Variants in RPS6KC1 observed in about 807,000 individuals in gnomAD.
RPS6KC1 encodes inactive ribosomal protein S6 kinase delta-1.
In RPS6KC1, 54 loss-of-function variants were observed where a neutral mutation model predicts 103.8. That is an observed-to-expected ratio of 0.52 (90% CI 0.42 to 0.65). The LOEUF (loss-of-function observed/expected upper bound fraction) is 0.65. Ranked by LOEUF, RPS6KC1 falls within the 30% of genes least tolerant of loss-of-function variation. The pLI is 0.00. For synonymous variants in RPS6KC1, 439 were observed against 438.7 expected, an observed-to-expected ratio of 1.00 and a Z score of -0.01; for missense variants, 1,151 against 1,253.8, an observed-to-expected ratio of 0.92 and a Z score of 1.24.
chr1:213,463,720 G>A, the RPS6KC1 span, among the ~76,000 whole-genome samples: 36 of 152,034 alleles, frequency 2.4e-4, no homozygotes, highest in African/African-American at 8.7e-4. Flanking sequence ...GAGTTTTTGG[G>A]GCTCGTTTTC....
At chr1:213,737,113 A>G in the RPS6KC1 span, among the ~76,000 whole-genome samples, 1 of 152,228 alleles carries the variant, frequency 6.6e-6, no homozygotes, top group Non-Finnish European at 1.5e-5. Flanking sequence ...CCACAGGTTG[A>G]TACCTTAACA....
At chr1:213,621,776 G>A in the RPS6KC1 span, among the ~76,000 whole-genome samples, 1 of 152,172 alleles carries the variant, frequency 6.6e-6, no homozygotes, top group African/African-American at 2.4e-5. Context: ...GAGCATTAAA[G>A]TGTGGGCCCT....
At chr1:213,137,806 T>C (rs1301607142) in intron 6 of RPS6KC1, among the ~76,000 whole-genome samples, 1 of 104,586 alleles carries the variant, frequency 9.6e-6, no homozygotes, top group Non-Finnish European at 1.8e-5. Context: ...TATATTTTTT[T>C]TTTTTTTTTT....
the RPS6KC1 span, among the ~76,000 whole-genome samples, chr1:213,796,515 A>G: frequency 6.6e-6 from 1 of 152,184 alleles, no homozygotes; most frequent in African/African-American, 2.4e-5. Flanking sequence ...CACAGCCCCA[A>G]GAGAAAAAGG....
At position 213,135,353 on chromosome 1, in the gene RPS6KC1, T is replaced by A. The variant is rs551343001; in HGVS notation, c.835+5464T>A. Among the ~76,000 whole-genome samples the A allele has an allele frequency of 2.8e-4, 42 of 152,306 alleles. No homozygotes were observed. In the South Asian group the frequency reaches 6.6e-3, roughly 24 times the overall value. The stretch of plus-strand genomic sequence containing the variant: ...GTGTATTTTGTTTATCATTGTAATA[T>A]GGTTGGAAAAGAGGGACTGCTTATT... On this transcript the variant is annotated intron_variant, in intron 6 of 14. Coordinates refer to ENST00000366960, the MANE Select transcript of RPS6KC1 (RefSeq NM_012424.6).
At chr1:213,534,939 T>C in the RPS6KC1 span, among the ~76,000 whole-genome samples, 4 of 152,146 alleles carry the variant, frequency 2.6e-5, no homozygotes, top group African/African-American at 9.7e-5. Context: ...TCCCCAATCA[T>C]GGTTAATCCT....
At chr1:213,562,362 T>G in the RPS6KC1 span, among the ~76,000 whole-genome samples, 1 of 5,958 alleles carries the variant, frequency 1.7e-4, no homozygotes, top group African/African-American at 4.2e-4. Flanking sequence ...AAGTTCTGTT[T>G]TTTTTTTTTT....
At chr1:213,830,338 TCCTTTTGAGAATACC>T in the RPS6KC1 span, among the ~76,000 whole-genome samples, 1 of 152,186 alleles carries the variant, frequency 6.6e-6, no homozygotes, top group Non-Finnish European at 1.5e-5. Flanking sequence ...AAATTAATTT[TCCTTTTGAGAATACC>T]CTACCACCTT....
chr1:213,151,215 G>C (rs2088795062), intron 6 of RPS6KC1, among the ~76,000 whole-genome samples: 1 of 132,638 alleles, frequency 7.5e-6, no homozygotes, highest in African/African-American at 2.9e-5. Context: ...GGCCAGGCGG[G>C]GGGCTGACCC....
chr1:213,676,199 T>C, the RPS6KC1 span, among the ~76,000 whole-genome samples: 1 of 152,202 alleles, frequency 6.6e-6, no homozygotes, highest in African/African-American at 2.4e-5. Context: ...CTCTCTTTAC[T>C]CTCTCAGCTG....
the RPS6KC1 span, among the ~76,000 whole-genome samples, chr1:213,648,270 G>A: frequency 1.3e-5 from 2 of 152,076 alleles, no homozygotes; most frequent in African/African-American, 2.4e-5. Context: ...TACAGTTTGG[G>A]AACTATGGCT....
chr1:213,088,829 G>T (rs187446655), intron 3 of RPS6KC1, among the ~76,000 whole-genome samples: 1 of 152,274 alleles, frequency 6.6e-6, no homozygotes, highest in East Asian at 1.9e-4. Flanking sequence ...ACATGGAACA[G>T]GGGTTTCTCC....
In RPS6KC1 at chr1:213,061,591, GT is replaced by G. The variant is rs35327007; in HGVS notation, c.106-9402del. Reference sequence around the variant, plus strand: ...CCTACTTTTCCTGCAAGACTTGGGTGTTTTTTTTTTTTTGTATGTATGAAGT... The same window carrying G: ...CCTACTTTTCCTGCAAGACTTGGGTGTTTTTTTTTTTTGTATGTATGAAGT... On this transcript the variant is annotated intron_variant, in intron 1 of 14. Transcript: ENST00000366960. Among the ~76,000 whole-genome samples, 743 of 144,356 alleles carry G rather than the reference GT, an allele frequency of 5.1e-3. 4 individuals carry two copies. The highest frequency in any genetic ancestry group is 0.017 in the African/African-American group (645 of 38,926). The allele number at this position is 144,356 out of a possible 152,430, so 94.7% of individuals were successfully genotyped here.
intron 6 of RPS6KC1, among the ~76,000 whole-genome samples, chr1:213,161,925 A>C (rs537580748): frequency 6.6e-6 from 1 of 152,222 alleles, no homozygotes; most frequent in Non-Finnish European, 1.5e-5. Flanking sequence ...TACTTCTCTT[A>C]AGATGTGTGT....
intron 14 of RPS6KC1, among the ~76,000 whole-genome samples, chr1:213,269,945 A>C (rs2095004050): frequency 6.6e-6 from 1 of 151,768 alleles, no homozygotes; most frequent in Non-Finnish European, 1.5e-5. Context: ...AATCCAAAGC[A>C]AGCAGAAGAA....
chr1:213,842,324 T>C, the RPS6KC1 span: 2 of 152,144 alleles, frequency 1.3e-5, no homozygotes, highest in African/African-American at 4.8e-5. Flanking sequence ...GTTGAGTCCA[T>C]TCATGGGGTG....
the RPS6KC1 span, among the ~76,000 whole-genome samples, chr1:213,397,157 G>A: frequency 8.5e-5 from 13 of 152,094 alleles, no homozygotes; most frequent in African/African-American, 1.4e-4. Context: ...AGGTTCCCCC[G>A]TCCCACATCG....
rs368196557 is a variant in RPS6KC1, at chr1:213,262,701, T to C, written c.2995-20T>C. The C allele has an allele frequency of 1.2e-4, 175 of 1,442,180 alleles. 1 individual carries two copies. Among genetic ancestry groups the C allele is most frequent in the Non-Finnish European group, 1.6e-4 (167 of 1,023,076 alleles). The allele number at this position is 1,442,180 out of a possible 1,614,324, so 89.3% of individuals were successfully genotyped here. ...ATGATGTTATTTGGGATAAGAAGTG[T>C]ACCTGATTGATTGTTTCAGACTCTG... On this transcript the variant is annotated intron_variant, in intron 13 of 14. Transcript: ENST00000366960.
intron 4 of RPS6KC1, among the ~76,000 whole-genome samples, chr1:213,106,513 T>C (rs1433838962): frequency 6.6e-6 from 1 of 152,172 alleles, no homozygotes; most frequent in Non-Finnish European, 1.5e-5. Flanking sequence ...CATCCTTAAT[T>C]TGAAGGAGTC....
Sources: gnomAD v4.1 joint callset for allele counts (sites outside exome capture counted in the v4.1 genomes callset) on GRCh38, gnomAD v4.1.1 for gene constraint, MANE v1.5 for transcripts, NCBI Gene and HGNC (gene_info 2026-07-23, HGNC 2026-07-21) for gene names.